Variants in MEIS2 observed in about 807,000 individuals in gnomAD.
MEIS2 encodes the protein homeobox protein Meis2.
A neutral mutation model predicts 58.6 loss-of-function variants in MEIS2; 9 were observed. The observed-to-expected ratio is 0.15, with a 90% confidence interval of 0.09 to 0.27. The LOEUF (loss-of-function observed/expected upper bound fraction) is 0.27, where lower values mean the gene tolerates loss of function less well. MEIS2 is among the 10% of genes least tolerant of loss of function. MEIS2 has a pLI of 1.00. For missense variants in MEIS2, 427 were observed against 635.0 expected, an observed-to-expected ratio of 0.67 and a Z score of 3.52; for synonymous variants, 221 against 228.4, an observed-to-expected ratio of 0.97 and a Z score of 0.29.
intron 8 of MEIS2, among the ~76,000 whole-genome samples, chr15:37,009,143 A>G (rs999359966): frequency 3.0e-4 from 45 of 151,958 alleles, no homozygotes; most frequent in Admixed American, 9.2e-4. Context: ...CAAAAAATTA[A>G]CCAGGCGTGG....
chr15:36,971,172 A>C (rs1245543992), intron 8 of MEIS2, among the ~76,000 whole-genome samples: 1 of 152,010 alleles, frequency 6.6e-6, no homozygotes, highest in Non-Finnish European at 1.5e-5. Flanking sequence ...AATAATCAGA[A>C]CATAAAAACC....
intron 8 of MEIS2, among the ~76,000 whole-genome samples, chr15:36,983,765 C>G (rs534023513): frequency 6.6e-6 from 1 of 152,164 alleles, no homozygotes. Flanking sequence ...ATTAATACTT[C>G]CAATCCATGA....
intron 8 of MEIS2, among the ~76,000 whole-genome samples, chr15:37,007,362 CAATAAATA>C (rs578016416): frequency 2.6e-5 from 4 of 151,818 alleles, no homozygotes; most frequent in African/African-American, 4.8e-5. Flanking sequence ...GGTCCCATCT[CAATAAATA>C]AATAAATAAA....
At chr15:37,030,325 T>A (rs774549044) in intron 8 of MEIS2, among the ~76,000 whole-genome samples, 1 of 152,158 alleles carries the variant, frequency 6.6e-6, no homozygotes, top group African/African-American at 2.4e-5. Flanking sequence ...GAAGGCAGAA[T>A]GTAGACCATG....
intron 9 of MEIS2, among the ~76,000 whole-genome samples, chr15:36,934,585 G>T (rs1465455186): frequency 6.6e-6 from 1 of 152,036 alleles, no homozygotes; most frequent in African/African-American, 2.4e-5. Context: ...TACATTCCTT[G>T]TTTTTCTTTA....
intron 9 of MEIS2, 84 bp downstream of exon 9, chr15:36,950,240 A>G (rs372362232): frequency 1.8e-5 from 2 of 108,584 alleles, no homozygotes; most frequent in African/African-American, 7.9e-5. Flanking sequence ...TTTGTTTTAG[A>G]AAAAAAAAAA....
At chr15:36,989,423 T>C (rs1408666966) in intron 8 of MEIS2, among the ~76,000 whole-genome samples, 1 of 152,118 alleles carries the variant, frequency 6.6e-6, no homozygotes, top group African/African-American at 2.4e-5. Flanking sequence ...TTGGTGTAGG[T>C]TCGGCTTGGG....
chr15:37,096,274 T>A lies in MEIS2; in HGVS notation c.387+15A>T. 6.3e-7 allele frequency: 1 copy of A among 1,588,204 alleles called. No homozygotes were observed. The highest frequency in any genetic ancestry group is 8.6e-7 in the Non-Finnish European group (1 of 1,164,894). On this transcript the variant is annotated intron_variant, in intron 3 of 11. Coordinates refer to ENST00000561208, the MANE Select transcript of MEIS2 (RefSeq NM_170675.5). Reference sequence around the variant, plus strand: ...GAGGGACTGCCCGAAGTTGAGTGGATCAAGAAGGCTGGACCTGCTTGGCGA... The same window carrying A: ...GAGGGACTGCCCGAAGTTGAGTGGAACAAGAAGGCTGGACCTGCTTGGCGA...
At chr15:37,066,192 T>A (rs1397390352) in intron 7 of MEIS2, 2 of 152,112 alleles carry the variant, frequency 1.3e-5, no homozygotes, top group African/African-American at 4.8e-5. Flanking sequence ...AATCACTGAT[T>A]TAAAAAATCA....
intron 7 of MEIS2, among the ~76,000 whole-genome samples, chr15:37,052,652 C>T (rs2062970920): frequency 6.6e-6 from 1 of 152,212 alleles, no homozygotes; most frequent in Admixed American, 6.5e-5. Flanking sequence ...ATATTTGGCA[C>T]ATATTAGATA....
chr15:37,003,372 CT>C (rs2141604430), intron 8 of MEIS2, among the ~76,000 whole-genome samples: 1 of 152,220 alleles, frequency 6.6e-6, no homozygotes, highest in East Asian at 1.9e-4. Flanking sequence ...AAAAACACCA[CT>C]GGCTAAATTT....
intron 10 of MEIS2, among the ~76,000 whole-genome samples, chr15:36,895,584 C>T (rs2056133517): frequency 6.6e-6 from 1 of 152,128 alleles, no homozygotes; most frequent in South Asian, 2.1e-4. Flanking sequence ...TTGCAATGTA[C>T]CATTTGGTTG....
intron 7 of MEIS2, among the ~76,000 whole-genome samples, chr15:37,052,438 G>A (rs936540568): frequency 6.6e-6 from 1 of 152,138 alleles, no homozygotes; most frequent in Non-Finnish European, 1.5e-5. Context: ...ATGCAGCTGG[G>A]TCTTGAACTC....
chr15:37,027,466 T>G (rs2061744817), intron 8 of MEIS2, among the ~76,000 whole-genome samples: 1 of 152,174 alleles, frequency 6.6e-6, no homozygotes. Flanking sequence ...ATGGAAATTT[T>G]CCCTATGATC....
intron 8 of MEIS2, among the ~76,000 whole-genome samples, chr15:36,981,091 T>C (rs11636673): frequency 0.52 from 78,674 of 151,844 alleles, 21,113 homozygotes; most frequent in South Asian, 0.7. Flanking sequence ...ATATAGCCCT[T>C]CATTTTTTTC....
At chr15:37,090,411 A>C (rs2141940550) in intron 6 of MEIS2, among the ~76,000 whole-genome samples, 1 of 152,268 alleles carries the variant, frequency 6.6e-6, no homozygotes, top group East Asian at 1.9e-4. Context: ...GTCTTCTTCT[A>C]ATGCATCTGT....
chr15:36,940,739 C>T (rs925775805), intron 9 of MEIS2, among the ~76,000 whole-genome samples: 3 of 152,152 alleles, frequency 2.0e-5, no homozygotes, highest in Admixed American at 6.5e-5. Flanking sequence ...ATACCTGAAG[C>T]TTATTTAATG....
intron 8 of MEIS2, among the ~76,000 whole-genome samples, chr15:37,012,717 A>G (rs1055506422): frequency 6.6e-6 from 1 of 152,214 alleles, no homozygotes; most frequent in African/African-American, 2.4e-5. Context: ...GATTGCCCTA[A>G]TGTGTACAAA....
In MEIS2 at chr15:37,098,101, G is replaced by T. The variant is rs750820203; in HGVS notation, c.111C>A (p.His37Gln). 9.3e-6 allele frequency: 15 copies of T among 1,613,826 alleles called. No individual in the cohort carries two copies. Among genetic ancestry groups the T allele is most frequent in the Non-Finnish European group, 1.3e-5 (15 of 1,179,958 alleles). ...PHAPRPIPPV[H>Q]HLNHGPPLHA... Reference sequence around the variant, plus strand: ...GGAGCGGCGGCCCGTGGTTCAGGTGGTGAACCGGGGGGATCGGCCGCGGCG... The same window carrying T: ...GGAGCGGCGGCCCGTGGTTCAGGTGTTGAACCGGGGGGATCGGCCGCGGCG... The change falls in exon 2 of 12, where the codon CAC (histidine) becomes CAA (glutamine). Residue 37 changes from histidine to glutamine, a missense_variant. This residue lies in a region of MEIS2 where 103 missense variants were observed against 111.8 expected (regional missense o/e 0.92). Coordinates refer to ENST00000561208, the MANE Select transcript of MEIS2 (RefSeq NM_170675.5).
Sources: gnomAD v4.1 joint callset for allele counts (sites outside exome capture counted in the v4.1 genomes callset) on GRCh38, gnomAD v4.1.1 for gene constraint, gnomAD v4.1.1 regional missense constraint, MANE v1.5 for transcripts, NCBI Gene and HGNC (gene_info 2026-07-23, HGNC 2026-07-21) for gene names.